The following GRIP1 variants were observed in gnomAD, a reference collection of about 807,000 sequenced individuals.
The protein encoded by GRIP1 is glutamate receptor interacting protein 1.
Under a neutral mutation model 129.9 loss-of-function variants are expected in GRIP1, and 45 were observed. That is an observed-to-expected ratio of 0.35 (90% CI 0.27 to 0.44). The LOEUF (loss-of-function observed/expected upper bound fraction) is 0.44. Among genes scored for constraint, GRIP1 ranks in the 20% least tolerant of loss-of-function variants. The pLI is 1.00. For synonymous variants in GRIP1, 530 were observed against 520.8 expected (o/e 1.02, Z -0.24); for missense variants, 1,196 against 1,396.8 (o/e 0.86, Z 2.29).
chr12:66,569,832 C>G (rs2139488021), intron 2 of GRIP1, among the ~76,000 whole-genome samples: 2 of 152,266 alleles, frequency 1.3e-5, no homozygotes, highest in Non-Finnish European at 2.9e-5. Context: ...GCTTCTTGAG[C>G]TTATGGGAAA....
intron 7 of GRIP1, among the ~76,000 whole-genome samples, chr12:66,511,842 A>T (rs1374463243): frequency 1.3e-5 from 2 of 152,114 alleles, no homozygotes; most frequent in Non-Finnish European, 2.9e-5. Context: ...AAGGCTAATA[A>T]ATTCCCTCCT....
Position 66,449,902 on chromosome 12 carries a change from T to G in GRIP1, c.1355-4394A>C, listed in dbSNP as rs117002262. ...CTCTTTTATAGGTTCATATTAATTT[T>G]TTTTTCCATTTGAGATCACAATTTG... On this transcript the variant is annotated intron_variant, in intron 11 of 24. Coordinates refer to ENST00000359742, the MANE Select transcript of GRIP1 (RefSeq NM_001366722.1). Among the ~76,000 whole-genome samples the G allele has an allele frequency of 1.5e-3, 230 of 152,316 alleles. 3 individuals carry two copies. The East Asian group carries it at 0.037, about 25-fold the overall frequency.
At chr12:66,656,265 T>G (rs980757683) in intron 1 of GRIP1, among the ~76,000 whole-genome samples, 1 of 152,156 alleles carries the variant, frequency 6.6e-6, no homozygotes, top group Non-Finnish European at 1.5e-5. Context: ...CAGGCAAAAT[T>G]TGAACTATAA....
At chr12:66,925,639 G>GT (rs945231735) in intron 1 of GRIP1, among the ~76,000 whole-genome samples, 12 of 152,046 alleles carry the variant, frequency 7.9e-5, no homozygotes, top group African/African-American at 2.7e-4. Context: ...AGTAATACCT[G>GT]TTTTTTTGTT....
At chr12:67,054,899 G>A (rs1252625212) in intron 1 of GRIP1, among the ~76,000 whole-genome samples, 1 of 152,158 alleles carries the variant, frequency 6.6e-6, no homozygotes, top group South Asian at 2.1e-4. Context: ...ATAGACCAGA[G>A]GCCAACTGAA....
At chr12:66,419,925 G>A (rs769454245) in intron 15 of GRIP1, among the ~76,000 whole-genome samples, 24 of 152,066 alleles carry the variant, frequency 1.6e-4, no homozygotes, top group African/African-American at 4.3e-4. Context: ...GCAAAACCCC[G>A]CCTCTAGTAA....
chr12:66,681,081 G>A (rs1488368226), upstream of GRIP1, among the ~76,000 whole-genome samples: 10 of 152,068 alleles, frequency 6.6e-5, no homozygotes, highest in Admixed American at 6.6e-4. Context: ...CTCTTTGAAA[G>A]GTTTCTGAGA....
chr12:66,857,783 A>C (rs1362638478), intron 1 of GRIP1, among the ~76,000 whole-genome samples: 5 of 152,032 alleles, frequency 3.3e-5, no homozygotes, highest in Non-Finnish European at 7.4e-5. Flanking sequence ...AAGAGTAGTA[A>C]GCTATCATAG....
intron 1 of GRIP1, among the ~76,000 whole-genome samples, chr12:66,783,117 G>A (rs2038212140): frequency 6.6e-6 from 1 of 151,958 alleles, no homozygotes; most frequent in Admixed American, 6.6e-5. Context: ...TGCAACCTCT[G>A]CCTCCCGGGT....
At chr12:66,355,220 ATG>A (rs142071978) in intron 23 of GRIP1, among the ~76,000 whole-genome samples, 89 of 151,506 alleles carry the variant, frequency 5.9e-4, no homozygotes, top group African/African-American at 1.7e-3. Context: ...TTGTGTGTGC[ATG>A]TGTGTGTGTG....
intron 1 of GRIP1, among the ~76,000 whole-genome samples, chr12:66,815,858 C>CTTTCTT (rs1477155577): frequency 1.0e-3 from 58 of 56,408 alleles, no homozygotes; most frequent in African/African-American, 3.4e-3. Flanking sequence ...CTTTCTTTCT[C>CTTTCTT]TCTCTCTCTC....
In GRIP1 at chr12:66,353,520, C is replaced by T. The variant is rs1468557149; in HGVS notation, c.3056G>A (p.Ser1019Asn). 1.2e-6 allele frequency: 2 copies of T among 1,613,656 alleles called. No homozygotes were observed. Among genetic ancestry groups the T allele is most frequent in the East Asian group, 4.5e-5 (2 of 44,888 alleles). ...TTTCTCCAGTAAGCCATCTGCTACA[C>T]TGAACCCAAAGTCCTCCATGTCAGA... ...KDSDMEDFGF[S>N]VADGLLEKGV... The change falls in exon 24 of 25, where the codon AGT becomes AAT. Residue 1019 changes from serine to asparagine, a missense_variant. Physicochemically the swap from Ser to Asn is conservative, Grantham distance 46. This residue lies in a region of GRIP1 where 427 missense variants were observed against 463.3 expected (regional missense o/e 0.92). Coordinates refer to ENST00000359742, the MANE Select transcript of GRIP1 (RefSeq NM_001366722.1).
chr12:66,763,117 T>A (rs923659779), intron 1 of GRIP1, among the ~76,000 whole-genome samples: 3 of 152,186 alleles, frequency 2.0e-5, no homozygotes, highest in Non-Finnish European at 4.4e-5. Context: ...AAAAAATTTA[T>A]AATTTAAAAT....
At chr12:66,977,218 A>C (rs1592418211) in intron 1 of GRIP1, among the ~76,000 whole-genome samples, 1 of 151,582 alleles carries the variant, frequency 6.6e-6, no homozygotes, top group Non-Finnish European at 1.5e-5. Context: ...TTTTTTGTCA[A>C]ATCATTTTCT....
chr12:66,365,460 A>G (rs936155383), intron 23 of GRIP1, among the ~76,000 whole-genome samples: 3 of 152,186 alleles, frequency 2.0e-5, no homozygotes, highest in African/African-American at 7.2e-5. Flanking sequence ...AAAAAATATT[A>G]TGTTTTTACA....
At chr12:66,784,266 T>C (rs1364185915) in intron 1 of GRIP1, among the ~76,000 whole-genome samples, 2 of 152,170 alleles carry the variant, frequency 1.3e-5, no homozygotes. Flanking sequence ...CATCACTAAT[T>C]GATAGGGCCT....
intron 9 of GRIP1, among the ~76,000 whole-genome samples, chr12:66,461,003 T>C (rs1023896328): frequency 6.6e-6 from 1 of 152,194 alleles, no homozygotes; most frequent in African/African-American, 2.4e-5. Context: ...ACGTAGACGA[T>C]GGAGTCAGAA....
chr12:66,878,592 A>G (rs981878218), intron 1 of GRIP1, among the ~76,000 whole-genome samples: 3 of 152,040 alleles, frequency 2.0e-5, no homozygotes, highest in South Asian at 2.1e-4. Flanking sequence ...GTTGGGACAT[A>G]TTCTACATAT....
chr12:66,907,443 A>G (rs2040952500), intron 1 of GRIP1, among the ~76,000 whole-genome samples: 3 of 152,324 alleles, frequency 2.0e-5, no homozygotes, highest in African/African-American at 7.2e-5. Flanking sequence ...TACATTAAGC[A>G]TAACAAGGAA....
Sources: allele counts gnomAD v4.1 joint callset (sites outside exome capture counted in the v4.1 genomes callset), GRCh38; gene constraint gnomAD v4.1.1; regional missense constraint gnomAD v4.1.1; transcripts MANE v1.5; gene names NCBI Gene and HGNC (gene_info 2026-07-23, HGNC 2026-07-21).